ZNRF3: variants seen among roughly 807,000 people sequenced by gnomAD.
ZNRF3 encodes zinc and ring finger 3, also known as E3 ubiquitin-protein ligase ZNRF3.
A neutral mutation model predicts 72.5 loss-of-function variants in ZNRF3; 23 were observed. That is an observed-to-expected ratio of 0.32 (90% confidence interval 0.23 to 0.45). The LOEUF (loss-of-function observed/expected upper bound fraction) is 0.45. Ranked by LOEUF, ZNRF3 falls within the 20% of genes least tolerant of loss-of-function variation. ZNRF3 has a pLI of 1.00. For missense variants in ZNRF3, 1,169 were observed against 1,272.1 expected, an observed-to-expected ratio of 0.92 and a Z score of 1.23; for synonymous variants, 610 against 545.3, an observed-to-expected ratio of 1.12 and a Z score of -1.65.
At position 29,016,027 on chromosome 22, in the gene ZNRF3, AAAC is replaced by A. The variant is rs1569282204; in HGVS notation, c.427-26465_427-26463del. Among the ~76,000 whole-genome samples, 7 of 142,360 alleles carry A rather than the reference AAAC, an allele frequency of 4.9e-5. 1 individual carries two copies. Among genetic ancestry groups the A allele is most frequent in the Non-Finnish European group, 6.1e-5 (4 of 66,106 alleles). The allele number at this position is 142,360 out of a possible 152,430, so 93.4% of individuals were successfully genotyped here. The stretch of plus-strand genomic sequence containing the variant: ...GTGAAACTGTCTCAAAAAAAAAAAA[AAAC>A]AAAAAAACTGAAACTGGCTTGGCTG... On this transcript the variant is annotated intron_variant, in intron 2 of 8. Coordinates refer to ENST00000544604, the MANE Select transcript of ZNRF3 (RefSeq NM_001206998.2).
intron 1 of ZNRF3, among the ~76,000 whole-genome samples, chr22:28,954,141 T>A (rs1304415169): frequency 2.6e-5 from 4 of 152,216 alleles, no homozygotes; most frequent in Non-Finnish European, 5.9e-5. Context: ...GTGCCAGCTG[T>A]GTAGTCATTG....
At position 29,054,115 on chromosome 22, in the gene ZNRF3, T is replaced by G. The variant is rs1197320572; in HGVS notation, c.*493T>G. On this transcript the variant is annotated 3_prime_UTR_variant, in exon 9 of 9. Transcript: ENST00000544604. ...TGAAAAGCTCAGGGCTTCACCTGCC[T>G]TAGAAAATGAACCAGAAACTTGAAG... 1 of 152,436 alleles carries G rather than the reference T, an allele frequency of 6.6e-6. No homozygotes were observed. Among genetic ancestry groups the G allele is most frequent in the Non-Finnish European group, 1.5e-5 (1 of 68,228 alleles). 9.4% of individuals were successfully genotyped at this position (152,436 alleles called of 1,614,324 possible).
At position 28,975,241 on chromosome 22, in the gene ZNRF3, C is replaced by T. The variant is rs187563881; in HGVS notation, c.301-11835C>T. 9.2e-4 allele frequency among the ~76,000 whole-genome samples: 140 copies of T among 152,092 alleles called. 1 individual carries two copies. Among genetic ancestry groups the T allele is most frequent in the Middle Eastern group, 3.4e-3 (1 of 294 alleles). ...AGACCAGGCCAGGCGCAGTGGCTCA[C>T]GCCTGTAATCCCAGCACTTTGGGAG... On this transcript the variant is annotated intron_variant, in intron 1 of 8. Coordinates refer to ENST00000544604, the MANE Select transcript of ZNRF3 (RefSeq NM_001206998.2).
At chr22:29,031,605 G>C (rs1166299464) in intron 2 of ZNRF3, 16 of 985,450 alleles carry the variant, frequency 1.6e-5, no homozygotes, top group Non-Finnish European at 1.9e-5. Context: ...TGAAGAACTC[G>C]AGGAGGAGGA....
intron 2 of ZNRF3, among the ~76,000 whole-genome samples, chr22:29,022,696 G>A (rs1163026321): frequency 6.6e-6 from 1 of 152,188 alleles, no homozygotes; most frequent in Non-Finnish European, 1.5e-5. Context: ...GTAGGTTGGA[G>A]AATTTATTGT....
rs369470752 is a variant in ZNRF3, at chr22:29,049,400, C to G, written c.1219C>G (p.Leu407Val). The change falls in exon 8 of 9, where the codon CTC becomes GTC. Residue 407 changes from leucine (L) to valine (V), a missense_variant. Transcript: ENST00000544604. The surrounding 1 kb of genome is among the most constrained non-coding windows in gnomAD (Gnocchi z 5.2). ...CATGGACCGGCACGGGGAGCAGAGC[C>G]TCTATTCCCCGCAGACCCCCGCCTA... Reference protein sequence around the residue: ...LTMDRHGEQSLYSPQTPAYIR... With the variant: ...LTMDRHGEQSVYSPQTPAYIR... The G allele has an allele frequency of 1.8e-5, 29 of 1,610,718 alleles. No individual in the cohort carries two copies. The highest frequency in any genetic ancestry group is 2.4e-5 in the Non-Finnish European group (28 of 1,179,744).
chr22:28,962,312 ACT>A (rs1381605238), intron 1 of ZNRF3, among the ~76,000 whole-genome samples: 3 of 151,706 alleles, frequency 2.0e-5, no homozygotes, highest in East Asian at 1.9e-4. Flanking sequence ...GTAACCTCTG[ACT>A]CTCTGTAACT....
At chr22:28,981,966 C>T (rs1322162179) in intron 1 of ZNRF3, among the ~76,000 whole-genome samples, 1 of 152,104 alleles carries the variant, frequency 6.6e-6, no homozygotes, top group Non-Finnish European at 1.5e-5. Flanking sequence ...CACTGTGCTC[C>T]AGCCTGGGCA....
At chr22:29,039,851 C>A (rs1183167826) in intron 2 of ZNRF3, among the ~76,000 whole-genome samples, 1 of 150,962 alleles carries the variant, frequency 6.6e-6, no homozygotes, top group Non-Finnish European at 1.5e-5. Context: ...CCCAGCTACT[C>A]AGGAGGCTGA....
At chr22:28,895,809 G>T (rs2033982936) in intron 1 of ZNRF3, among the ~76,000 whole-genome samples, 1 of 152,200 alleles carries the variant, frequency 6.6e-6, no homozygotes, top group Non-Finnish European at 1.5e-5. Flanking sequence ...TTCTAGAATG[G>T]CATTCTGCTG....
chr22:28,973,981 G>A (rs1010927356), intron 1 of ZNRF3, among the ~76,000 whole-genome samples: 4 of 128,934 alleles, frequency 3.1e-5, no homozygotes, highest in East Asian at 2.3e-4. Flanking sequence ...TTTTTGAGAC[G>A]GAGTCTCGCT....
rs564201462 is a variant in ZNRF3, at chr22:29,024,651, G to A, written c.427-17844G>A. ...GAGGCACTAGATCTTTTAGGACTAG[G>A]TTCTTTTGGCATATGATTGTACCTT... On this transcript the variant is annotated intron_variant, in intron 2 of 8. Coordinates refer to ENST00000544604, the MANE Select transcript of ZNRF3 (RefSeq NM_001206998.2). 1.4e-3 allele frequency among the ~76,000 whole-genome samples: 214 copies of A among 152,100 alleles called. 3 individuals are homozygous for A. The South Asian group carries it at 0.023, about 16-fold the overall frequency.
At chr22:28,974,463 C>T (rs762542668) in intron 1 of ZNRF3, among the ~76,000 whole-genome samples, 2 of 152,150 alleles carry the variant, frequency 1.3e-5, no homozygotes, top group Non-Finnish European at 2.9e-5. Context: ...AAGGAGGGCT[C>T]AGCTCTTAAT....
At chr22:28,995,015 G>A (rs2036023665) in intron 2 of ZNRF3, among the ~76,000 whole-genome samples, 1 of 152,136 alleles carries the variant, frequency 6.6e-6, no homozygotes, top group Non-Finnish European at 1.5e-5. Context: ...GGATGCCCTG[G>A]GGAAATTTTC....
At chr22:28,944,949 ATAAATAAATAAATAAT>A (rs985831985) in intron 1 of ZNRF3, among the ~76,000 whole-genome samples, 1 of 149,218 alleles carries the variant, frequency 6.7e-6, no homozygotes, top group African/African-American at 2.4e-5. Context: ...AAATAAATAA[ATAAATAAATAAATAAT>A]AATAATACTC....
At position 28,899,465 on chromosome 22, in the gene ZNRF3, A is replaced by T. The variant is rs367740431; in HGVS notation, c.300+15399A>T. ...GTCTCAGCATGCCAAGCCCCGGCGG[A>T]TGTGGTTAGGGACCACGGTGACTGG... On this transcript the variant is annotated intron_variant, in intron 1 of 8. Transcript: ENST00000544604. Among the ~76,000 whole-genome samples, 9 of 152,270 alleles carry T rather than the reference A, an allele frequency of 5.9e-5. No individual in the cohort carries two copies. The East Asian group carries it at 1.5e-3, about 26-fold the overall frequency.
rs371728159 is a variant in ZNRF3, at chr22:29,043,421, C to G, written c.624C>G (p.Arg208=). 1 of 1,613,452 alleles carries G rather than the reference C, an allele frequency of 6.2e-7. No individual in the cohort carries two copies. ...QKVARARIQH[R]PPRQPTEYFD... ...TGGCTCGAGCAAGGATCCAGCACCG[C>G]CCTCCTCGAGTGAGCCTCCGCACCA... The change falls in exon 4 of 9, where the codon CGC becomes CGG. Residue 208 remains arginine, a synonymous_variant. Coordinates refer to ENST00000544604, the MANE Select transcript of ZNRF3 (RefSeq NM_001206998.2).
chr22:28,914,277 G>GCCT (rs949935779), intron 1 of ZNRF3, among the ~76,000 whole-genome samples: 4 of 152,096 alleles, frequency 2.6e-5, no homozygotes, highest in African/African-American at 9.7e-5. Flanking sequence ...GAAGTGCTGG[G>GCCT]CTGAGTTGAA....
At chr22:29,007,242 G>T (rs1019064327) in intron 2 of ZNRF3, among the ~76,000 whole-genome samples, 6 of 152,174 alleles carry the variant, frequency 3.9e-5, no homozygotes, top group African/African-American at 1.4e-4. Context: ...GGATTACTTT[G>T]AACAGATTCT....
Sources: gnomAD v4.1 joint callset for allele counts (sites outside exome capture counted in the v4.1 genomes callset) on GRCh38, gnomAD v4.1.1 for gene constraint, Gnocchi (gnomAD v3.1) non-coding constraint, MANE v1.5 for transcripts, NCBI Gene and HGNC (gene_info 2026-07-23, HGNC 2026-07-21) for gene names.